The following AHRR variants were observed in gnomAD, a reference collection of about 807,000 sequenced individuals.
The protein encoded by AHRR is aryl hydrocarbon receptor repressor.
AHRR carries 28 observed loss-of-function variants against 44.0 expected under a neutral mutation model. The observed-to-expected ratio is 0.64, with a 90% CI of 0.47 to 0.87. The LOEUF is 0.87. AHRR is among the 40% of genes least tolerant of loss of function. The pLI is 0.00. For missense variants in AHRR, 990 were observed against 953.9 expected (o/e 1.04, Z -0.50); for synonymous variants, 434 against 407.0 (o/e 1.07, Z -0.80).
Position 435,815 on chromosome 5 carries a change from A to C in AHRR, c.*981A>C, listed in dbSNP as rs1416757523. On this transcript the variant is annotated 3_prime_UTR_variant, in exon 11 of 11. Coordinates refer to ENST00000684583, the MANE Select transcript of AHRR (RefSeq NM_001377236.1). ...CTAGGAGAATAATTAGGGACAAGACAGACAAGTATTAATAGCATTAAAACA... is the reference window on the plus strand; with the variant it reads ...CTAGGAGAATAATTAGGGACAAGACCGACAAGTATTAATAGCATTAAAACA... The C allele has an allele frequency of 6.5e-6, 1 of 152,770 alleles. No homozygotes were observed. The highest frequency in any genetic ancestry group is 1.5e-5 in the Non-Finnish European group (1 of 68,054). The allele number at this position is 152,770 out of a possible 1,614,324, so 9.5% of individuals were successfully genotyped here.
Position 342,208 on chromosome 5 carries a change from G to A in AHRR, c.-10-1685G>A, listed in dbSNP as rs1471818679. On this transcript the variant is annotated intron_variant, in intron 1 of 10. Transcript: ENST00000684583. The surrounding 1 kb of genome is among the most constrained non-coding windows in gnomAD (Gnocchi z 4.3). The stretch of plus-strand genomic sequence containing the variant: ...TTTCCATTAATTCAAGTCTGTTGTC[G>A]TTTGGATATTCTGTATCCTTACTGA... Among the ~76,000 whole-genome samples the A allele has an allele frequency of 2.0e-5, 3 of 152,128 alleles. No homozygotes were observed. Among genetic ancestry groups the A allele is most frequent in the Non-Finnish European group, 4.4e-5 (3 of 68,020 alleles).
At chr5:401,429 T>G (rs1466993115) in intron 4 of AHRR, among the ~76,000 whole-genome samples, 1 of 152,190 alleles carries the variant, frequency 6.6e-6, no homozygotes, top group Admixed American at 6.5e-5. Flanking sequence ...GGGGTGGGAT[T>G]GGCCCATGGT....
intron 2 of AHRR, among the ~76,000 whole-genome samples, chr5:345,571 G>GGTGTGTGTGGGTGTGTGGGGGTGTGTCT (rs1287343790): frequency 1.5e-5 from 2 of 137,406 alleles, no homozygotes. Context: ...GGGATGTGTG[G>GGTGTGTGTGGGTGTGTGGGGGTGTGTCT]GTGTGTGTGG....
chr5:334,274 G>T (rs1742041529), intron 1 of AHRR, among the ~76,000 whole-genome samples: 1 of 152,098 alleles, frequency 6.6e-6, no homozygotes, highest in South Asian at 2.1e-4. Flanking sequence ...AAACTTGGCA[G>T]GTTTTCATAT....
rs1737149956 is a variant in AHRR, at chr5:437,698, G to A, written c.*2864G>A. 1 of 152,396 alleles carries A rather than the reference G, an allele frequency of 6.6e-6. No individual in the cohort carries two copies. The highest frequency in any genetic ancestry group is 2.1e-4 in the South Asian group (1 of 4,836). 9.4% of individuals were successfully genotyped at this position (152,396 alleles called of 1,614,324 possible). Reference sequence around the variant, plus strand: ...TTGAGTGGTGGGTTGCTGCCAGGCAGGCCACGCTGTGTTGACGCTGCACTC... The same window carrying A: ...TTGAGTGGTGGGTTGCTGCCAGGCAAGCCACGCTGTGTTGACGCTGCACTC... On this transcript the variant is annotated 3_prime_UTR_variant, in exon 11 of 11. Coordinates refer to ENST00000684583, the MANE Select transcript of AHRR (RefSeq NM_001377236.1).
At position 422,820 on chromosome 5, in the gene AHRR, C is replaced by T; in HGVS notation, c.533C>T (p.Pro178Leu). The T allele has an allele frequency of 6.2e-7, 1 of 1,614,030 alleles. No individual in the cohort carries two copies. Among genetic ancestry groups the T allele is most frequent in the Middle Eastern group, 1.7e-4 (1 of 6,060 alleles). ...CAGCTCCACTGGGCCATGGACCCTC[C>T]CCAGGTGGTGTTTGGGCAGCCCCCG... ...CRQLHWAMDP[P>L]QVVFGQPPPL... Residue 178 changes from proline to leucine, a missense_variant, in exon 6 of 11, where the codon CCC becomes CTC. By Grantham distance (98) the Pro-to-Leu change is moderately conservative. Coordinates refer to ENST00000684583, the MANE Select transcript of AHRR (RefSeq NM_001377236.1).
chr5:333,989 G>T (rs143970447), intron 1 of AHRR, among the ~76,000 whole-genome samples: 1,587 of 152,224 alleles, frequency 0.01, 17 homozygotes, highest in Non-Finnish European at 0.012. Flanking sequence ...AGTCTTGCTG[G>T]ATATCAAATT....
At chr5:432,039 G>A (rs1463953225) in intron 8 of AHRR, 4 of 187,870 alleles carry the variant, frequency 2.1e-5, no homozygotes, top group Admixed American at 5.7e-5. Flanking sequence ...AGTGTGATGC[G>A]TGTGTGGGTA....
chr5:376,557 A>AACGCAGGGAAACACAGGAAAGAT, intron 3 of AHRR, 53 bp from the exon 4 acceptor site: 1 of 1,423,182 alleles, frequency 7.0e-7, no homozygotes, highest in South Asian at 1.4e-5. Flanking sequence ...AATGAAGAAG[A>AACGCAGGGAAACACAGGAAAGAT]GTGGCCAGGC....
chr5:374,767 G>C (rs375821521), intron 3 of AHRR, among the ~76,000 whole-genome samples: 1 of 152,222 alleles, frequency 6.6e-6, no homozygotes, highest in Non-Finnish European at 1.5e-5. Context: ...ACCTTAGCTC[G>C]TCAGCATCCC....
intron 2 of AHRR, among the ~76,000 whole-genome samples, chr5:344,941 T>G (rs1355471104): frequency 2.3e-4 from 6 of 26,356 alleles, no homozygotes; most frequent in East Asian, 7.9e-4. Context: ...GAGCTGTGTG[T>G]GGGGGGGGTG....
intron 4 of AHRR, among the ~76,000 whole-genome samples, chr5:389,841 G>A (rs893588352): frequency 3.4e-5 from 5 of 148,246 alleles, no homozygotes; most frequent in East Asian, 2.0e-4. Flanking sequence ...CTGAGAAGAC[G>A]AGCTGGAGGG....
chr5:398,829 C>G (rs1266747241), intron 4 of AHRR, among the ~76,000 whole-genome samples: 1 of 152,192 alleles, frequency 6.6e-6, no homozygotes, highest in East Asian at 1.9e-4. Context: ...CCTCAGCAAA[C>G]TGTGGGTCTG....
In AHRR at chr5:346,298, C is replaced by T. The variant is rs559886144; in HGVS notation, c.62+2334C>T. Reference sequence around the variant, plus strand: ...CAGCTGCCTCCAGGCAGGGAGCCAGCCTGAAGACACTTTCCTCTGAGTTTT... The same window carrying T: ...CAGCTGCCTCCAGGCAGGGAGCCAGTCTGAAGACACTTTCCTCTGAGTTTT... On this transcript the variant is annotated intron_variant, in intron 2 of 10. Coordinates refer to ENST00000684583, the MANE Select transcript of AHRR (RefSeq NM_001377236.1). Among the ~76,000 whole-genome samples the T allele has an allele frequency of 2.0e-5, 3 of 152,328 alleles. 1 individual carries two copies. In the South Asian group the frequency reaches 6.2e-4, roughly 32 times the overall value.
intron 5 of AHRR, among the ~76,000 whole-genome samples, chr5:413,658 T>C (rs6885841): frequency 0.073 from 11,144 of 152,240 alleles, 1,301 homozygotes; most frequent in African/African-American, 0.25. Flanking sequence ...AGGGGTGTTC[T>C]GGTCTAAGGC....
Position 427,005 on chromosome 5 carries a change from TG to T in AHRR, c.709-799del, listed in dbSNP as rs538835594. Among the ~76,000 whole-genome samples the T allele has an allele frequency of 1.9e-4, 28 of 147,240 alleles. No individual in the cohort carries two copies. The South Asian group carries it at 2.0e-3, about 10-fold the overall frequency. ...ATGGATGGGTGGATGTGAAGATGGA[TG>T]GGTGGGTGGATGGATGGATGGGAAG... On this transcript the variant is annotated intron_variant, in intron 7 of 10. Coordinates refer to ENST00000684583, the MANE Select transcript of AHRR (RefSeq NM_001377236.1).
At chr5:431,461 C>T (rs187556767) in intron 8 of AHRR, among the ~76,000 whole-genome samples, 2 of 152,324 alleles carry the variant, frequency 1.3e-5, no homozygotes, top group African/African-American at 2.4e-5. Context: ...ATTCAGAAGC[C>T]GGCTTTCAGG....
intron 1 of AHRR, among the ~76,000 whole-genome samples, chr5:332,418 C>A (rs1741956815): frequency 6.6e-6 from 1 of 152,006 alleles, no homozygotes; most frequent in South Asian, 2.1e-4. Context: ...CGGGTGTGCA[C>A]CACCATGCCC....
At chr5:377,338 G>T (rs772066586) in intron 4 of AHRR, among the ~76,000 whole-genome samples, 3 of 152,204 alleles carry the variant, frequency 2.0e-5, no homozygotes, top group Non-Finnish European at 4.4e-5. Context: ...GAATCCATTC[G>T]CCATTTTGAA....
Sources: gnomAD v4.1 joint callset for allele counts (sites outside exome capture counted in the v4.1 genomes callset) on GRCh38, gnomAD v4.1.1 for gene constraint, Gnocchi (gnomAD v3.1) non-coding constraint, MANE v1.5 for transcripts, NCBI Gene and HGNC (gene_info 2026-07-23, HGNC 2026-07-21) for gene names.